Variants in ATP10B observed in about 807,000 individuals in gnomAD.
ATP10B encodes phospholipid-transporting ATPase VB.
ATP10B carries 122 observed loss-of-function variants against 141.2 expected under a neutral mutation model. The observed-to-expected ratio is 0.86, with a 90% CI of 0.75 to 1.00. The LOEUF (loss-of-function observed/expected upper bound fraction) is 1.00, where lower values mean the gene tolerates loss of function less well. Ranked by LOEUF, ATP10B falls within the 50% of genes least tolerant of loss-of-function variation. The pLI, the probability that ATP10B is intolerant of heterozygous loss-of-function variation, is 0.00. For missense variants in ATP10B, 1,876 were observed against 1,825.3 expected (o/e 1.03, Z -0.51); for synonymous variants, 685 against 692.0 (o/e 0.99, Z 0.16).
chr5:160,830,495 C>T (rs1348471237), intron 1 of ATP10B, among the ~76,000 whole-genome samples: 1 of 152,006 alleles, frequency 6.6e-6, no homozygotes, highest in East Asian at 1.9e-4. Flanking sequence ...TTTTTTTGAG[C>T]CTTAAAAACC....
intron 3 of ATP10B, among the ~76,000 whole-genome samples, chr5:160,693,403 A>AACACAC (rs3075585): frequency 0.056 from 7,073 of 125,530 alleles, 281 homozygotes; most frequent in East Asian, 0.11. Flanking sequence ...TGGGTCAGAA[A>AACACAC]ACACACACAC....
intron 1 of ATP10B, among the ~76,000 whole-genome samples, chr5:160,822,966 A>T (rs1341917024): frequency 2.3e-5 from 3 of 129,030 alleles, no homozygotes; most frequent in East Asian, 4.9e-4. Flanking sequence ...CAAAAGGGTG[A>T]CTATAGTAAA....
At chr5:160,918,057 C>G in the ATP10B span, among the ~76,000 whole-genome samples, 1 of 152,302 alleles carries the variant, frequency 6.6e-6, no homozygotes, top group Non-Finnish European at 1.5e-5. Flanking sequence ...GCTGCGTGTT[C>G]TCATTCTGTC....
intron 2 of ATP10B, among the ~76,000 whole-genome samples, chr5:160,763,070 T>C (rs202030285): frequency 6.6e-6 from 1 of 150,928 alleles, no homozygotes; most frequent in Non-Finnish European, 1.5e-5. Context: ...GTAAAACAAC[T>C]ACTACTAGAC....
chr5:160,645,476 C>T (rs1307489710), intron 8 of ATP10B, among the ~76,000 whole-genome samples: 1 of 152,238 alleles, frequency 6.6e-6, no homozygotes, highest in Non-Finnish European at 1.5e-5. Flanking sequence ...TTCACCTGCT[C>T]AACAGCTCAT....
intron 2 of ATP10B, among the ~76,000 whole-genome samples, chr5:160,735,329 A>G (rs1767034525): frequency 6.6e-6 from 1 of 152,096 alleles, no homozygotes; most frequent in Non-Finnish European, 1.5e-5. Flanking sequence ...AATGGAAACT[A>G]AAAAAGAGCA....
chr5:160,698,389 C>T (rs949385235), intron 3 of ATP10B, among the ~76,000 whole-genome samples: 17 of 152,050 alleles, frequency 1.1e-4, no homozygotes, highest in African/African-American at 4.1e-4. Context: ...TTAAGTGTCG[C>T]AGATACTGTT....
At chr5:160,640,143 T>C (rs575070785) in intron 10 of ATP10B, among the ~76,000 whole-genome samples, 87 of 152,386 alleles carry the variant, frequency 5.7e-4, no homozygotes, top group African/African-American at 2.1e-3. Flanking sequence ...TCTAAATGAC[T>C]GTGTGTTCAT....
At chr5:160,596,205 G>C (rs1190292118) in intron 22 of ATP10B, among the ~76,000 whole-genome samples, 2 of 152,104 alleles carry the variant, frequency 1.3e-5, no homozygotes, top group Non-Finnish European at 2.9e-5. Flanking sequence ...TGATCAAGTT[G>C]GCCTCATCCC....
At chr5:160,850,608 A>G (rs1171387057) in intron 1 of ATP10B, among the ~76,000 whole-genome samples, 1 of 152,198 alleles carries the variant, frequency 6.6e-6, no homozygotes, top group Non-Finnish European at 1.5e-5. Flanking sequence ...TTTGAAAGGC[A>G]GCCTCCTTCA....
At chr5:160,654,288 C>A (rs894061579) in intron 7 of ATP10B, among the ~76,000 whole-genome samples, 2 of 151,872 alleles carry the variant, frequency 1.3e-5, no homozygotes, top group African/African-American at 4.8e-5. Context: ...TAACCTTGTT[C>A]AGGAGTTTCT....
intron 1 of ATP10B, among the ~76,000 whole-genome samples, chr5:160,787,071 G>GA (rs1306685084): frequency 2.0e-5 from 3 of 149,322 alleles, no homozygotes; most frequent in Non-Finnish European, 4.4e-5. Context: ...AAAGTCCATA[G>GA]CCCAAATCCT....
chr5:160,816,143 G>A (rs897859530), intron 1 of ATP10B, among the ~76,000 whole-genome samples: 2 of 147,972 alleles, frequency 1.4e-5, no homozygotes, highest in Non-Finnish European at 3.0e-5. Flanking sequence ...GCTAGCAGAA[G>A]GCAAGAAATA....
chr5:160,612,608 G>A (rs959661604), intron 18 of ATP10B, 133 bp downstream of exon 18: 57 of 692,648 alleles, frequency 8.2e-5, no homozygotes, highest in Non-Finnish European at 5.6e-5. Flanking sequence ...TAGACTCCAA[G>A]ATTCAGTGAT....
chr5:160,799,883 G>A (rs553314984), intron 1 of ATP10B, among the ~76,000 whole-genome samples: 22 of 152,206 alleles, frequency 1.4e-4, no homozygotes, highest in Non-Finnish European at 3.1e-4. Flanking sequence ...ATCCATTCAA[G>A]ATGAAAAGTT....
intron 2 of ATP10B, among the ~76,000 whole-genome samples, chr5:160,764,248 T>TAAC (rs144856001): frequency 0.25 from 38,095 of 151,384 alleles, 4,911 homozygotes; most frequent in Non-Finnish European, 0.26. Flanking sequence ...GGAAAGGACA[T>TAAC]AACAACAACA....
intron 1 of ATP10B, among the ~76,000 whole-genome samples, chr5:160,824,602 T>C (rs573548416): frequency 4.3e-4 from 65 of 152,116 alleles, no homozygotes; most frequent in Non-Finnish European, 5.9e-4. Flanking sequence ...ACCTAGGGTA[T>C]ATGATATAGC....
At chr5:160,638,095 A>C (rs1759551851) in intron 10 of ATP10B, among the ~76,000 whole-genome samples, 1 of 152,170 alleles carries the variant, frequency 6.6e-6, no homozygotes, top group African/African-American at 2.4e-5. Flanking sequence ...CACCACCTTT[A>C]CAAAATCAAA....
chr5:160,722,034 G>C (rs1219808674), intron 2 of ATP10B, among the ~76,000 whole-genome samples: 1 of 152,098 alleles, frequency 6.6e-6, no homozygotes, highest in East Asian at 1.9e-4. Flanking sequence ...TGGGCTGTGA[G>C]GATTCCATGA....
Sources: allele counts gnomAD v4.1 joint callset (sites outside exome capture counted in the v4.1 genomes callset), GRCh38; gene constraint gnomAD v4.1.1; transcripts MANE v1.5; gene names NCBI Gene and HGNC (gene_info 2026-07-23, HGNC 2026-07-21).